DST: variants seen among roughly 807,000 people sequenced by gnomAD.
The protein encoded by DST is dystonin, also known as bullous pemphigoid antigen.
Under a neutral mutation model 875.2 loss-of-function variants are expected in DST, and 253 were observed. The observed-to-expected ratio is 0.29, with a 90% confidence interval of 0.26 to 0.32. The LOEUF (loss-of-function observed/expected upper bound fraction) is 0.32. DST is among the 10% of genes least tolerant of loss of function. The pLI is 1.00. For synonymous variants in DST, 3,124 were observed against 3,197.1 expected (o/e 0.98, Z 0.77); for missense variants, 8,287 against 9,111.6 (o/e 0.91, Z 3.68).
At chr6:56,926,765 C>A (rs1173113517) in intron 2 of DST, among the ~76,000 whole-genome samples, 1 of 151,582 alleles carries the variant, frequency 6.6e-6, no homozygotes, top group Non-Finnish European at 1.5e-5. Flanking sequence ...CTTATTAAAT[C>A]GTGTAACTAA....
Position 56,863,229 on chromosome 6 carries a change from C to T in DST, c.418-11625G>A, listed in dbSNP as rs1772224277. On this transcript the variant is annotated intron_variant, in intron 3 of 103. Coordinates refer to ENST00000680361, the MANE Select transcript of DST (RefSeq NM_001374736.1). The stretch of plus-strand genomic sequence containing the variant: ...TCCTTTATTCATCCTTTTCCTCATA[C>T]ACACAGAGAGCAAAGGTGTATAAAC... 6 of 152,220 alleles carry T rather than the reference C, an allele frequency of 3.9e-5. 1 individual carries two copies. Among genetic ancestry groups the T allele is most frequent in the Admixed American group, 3.3e-4 (5 of 15,274 alleles). 9.4% of individuals were successfully genotyped at this position (152,220 alleles called of 1,614,324 possible).
chr6:56,704,784 G>A lies in DST; in HGVS notation c.688-415C>T, dbSNP rs145972795. ...AGCCTAAAACAGGTTCAAGGATGCC[G>A]AGGAACATTTTTAGAAATCCATAGA... On this transcript the variant is annotated intron_variant, in intron 5 of 103. Transcript: ENST00000680361. Among the ~76,000 whole-genome samples the A allele has an allele frequency of 5.9e-4, 90 of 152,298 alleles. 2 individuals carry two copies. Among genetic ancestry groups the A allele is most frequent in the African/African-American group, 2.0e-3 (84 of 41,560 alleles).
chr6:56,469,725 T>C lies in DST; in HGVS notation c.22551+158A>G, dbSNP rs188126700. 280 of 646,464 alleles carry C rather than the reference T, an allele frequency of 4.3e-4. No individual in the cohort carries two copies. The African/African-American group carries it at 4.7e-3, about 11-fold the overall frequency. The allele number at this position is 646,464 out of a possible 1,614,324, so 40.0% of individuals were successfully genotyped here. A position where few individuals can be genotyped will look rare whatever the true frequency, so the allele number is the denominator to read the frequency against. On this transcript the variant is annotated intron_variant, in intron 97 of 103. Transcript: ENST00000680361. ...AAAATGCAGGCTGCCGTTATACAAA[T>C]TAAAATGTTAAATGTAAGAGTTTCA...
Position 56,636,422 on chromosome 6 carries a change from A to ATG in DST, c.3060+133_3060+134dup, listed in dbSNP as rs1563358574. ...TGTGTGTATATATATACACACATAT[A>ATG]TGTGTATATATATATGTGTGTATAT... is the stretch of plus-strand genomic sequence containing the variant. On this transcript the variant is annotated intron_variant, in intron 23 of 103. Transcript: ENST00000680361. 8 of 687,344 alleles carry ATG rather than the reference A, an allele frequency of 1.2e-5. No homozygotes were observed. In the Admixed American group the frequency reaches 1.2e-4, roughly 11 times the overall value. 42.6% of individuals were successfully genotyped at this position (687,344 alleles called of 1,614,324 possible).
At chr6:56,474,960 CAAAAAAAAAAAAAA>C (rs386407168) in intron 92 of DST, among the ~76,000 whole-genome samples, 4 of 31,318 alleles carry the variant, frequency 1.3e-4, no homozygotes, top group Non-Finnish European at 1.9e-4. Context: ...CCCTGCCTCT[CAAAAAAAAAAAAAA>C]AAAAAAAAAA....
At chr6:56,671,417 T>C (rs1200650973) in intron 9 of DST, among the ~76,000 whole-genome samples, 1 of 152,210 alleles carries the variant, frequency 6.6e-6, no homozygotes, top group East Asian at 1.9e-4. Context: ...CTCTCCTATA[T>C]AACAATTTGG....
Position 56,553,018 on chromosome 6 carries a change from A to C in DST, c.15774T>G (p.Thr5258=). Residue 5258 remains threonine (T), a synonymous_variant, in exon 61 of 104, where the codon ACT becomes ACG. Transcript: ENST00000680361. ...AGAATTTCTTACTGTGAAGTTGTTCAGTGACCATGTCCACCTTCTGGATCA... is the reference window on the plus strand; with the variant it reads ...AGAATTTCTTACTGTGAAGTTGTTCCGTGACCATGTCCACCTTCTGGATCA... ...KSLIQKVDMV[T]EQLHSKKFCL... is the part of the protein sequence containing the mutation. 1 of 1,613,944 alleles carries C rather than the reference A, an allele frequency of 6.2e-7. No homozygotes were observed.
chr6:56,926,244 T>C (rs1205129247), intron 2 of DST, among the ~76,000 whole-genome samples: 1 of 152,224 alleles, frequency 6.6e-6, no homozygotes, highest in Non-Finnish European at 1.5e-5. Context: ...CTCTCCACTT[T>C]TTGTTGGGTC....
intron 31 of DST, among the ~76,000 whole-genome samples, chr6:56,629,843 C>T (rs1333577212): frequency 1.3e-5 from 2 of 152,176 alleles, no homozygotes; most frequent in Non-Finnish European, 2.9e-5. Context: ...GCAATAGTTT[C>T]ACCACTTGCT....
At chr6:56,938,270 G>A (rs185848033) in intron 2 of DST, among the ~76,000 whole-genome samples, 1 of 152,118 alleles carries the variant, frequency 6.6e-6, no homozygotes, top group African/African-American at 2.4e-5. Flanking sequence ...GAGTAACTGG[G>A]ACAACAGGTG....
intron 10 of DST, among the ~76,000 whole-genome samples, chr6:56,664,230 C>T (rs1280020160): frequency 3.9e-5 from 6 of 152,148 alleles, no homozygotes; most frequent in Non-Finnish European, 8.8e-5. Flanking sequence ...CTTGTTTGCA[C>T]ACAGAGCAAT....
intron 10 of DST, among the ~76,000 whole-genome samples, chr6:56,661,409 T>C (rs2099040493): frequency 6.6e-6 from 1 of 152,072 alleles, no homozygotes; most frequent in African/African-American, 2.4e-5. Context: ...CTTGTCAAGT[T>C]TCTAAGTAAG....
intron 15 of DST, 106 bp downstream of exon 15, chr6:56,645,760 A>C (rs1265027200): frequency 2.3e-6 from 3 of 1,332,274 alleles, no homozygotes; most frequent in Non-Finnish European, 3.1e-6. Flanking sequence ...GGATTAAGAG[A>C]CTTATCCAAG....
chr6:56,744,383 A>AC (rs2099563064), intron 4 of DST, among the ~76,000 whole-genome samples: 2 of 152,048 alleles, frequency 1.3e-5, no homozygotes, highest in Admixed American at 6.6e-5. Flanking sequence ...TATCTCAAAA[A>AC]AAAAAAAGGT....
At chr6:56,551,868 C>T (rs1043809097) in intron 61 of DST, among the ~76,000 whole-genome samples, 4 of 150,232 alleles carry the variant, frequency 2.7e-5, no homozygotes, top group Admixed American at 1.3e-4. Context: ...AACACAGCCA[C>T]GGTCACCACA....
At chr6:56,871,976 T>C (rs1026584706) in intron 3 of DST, among the ~76,000 whole-genome samples, 1 of 152,118 alleles carries the variant, frequency 6.6e-6, no homozygotes, top group Non-Finnish European at 1.5e-5. Flanking sequence ...TATAAATGGG[T>C]GCAGGTATTT....
intron 5 of DST, 138 bp from the exon 6 acceptor site, chr6:56,704,507 C>T (rs970836909): frequency 3.9e-6 from 2 of 515,990 alleles, no homozygotes; most frequent in Non-Finnish European, 6.9e-6. Context: ...TTTTAAAATG[C>T]TTATTACTTA....
chr6:56,813,906 T>C (rs1445089384), intron 4 of DST, among the ~76,000 whole-genome samples: 1 of 152,186 alleles, frequency 6.6e-6, no homozygotes, highest in Non-Finnish European at 1.5e-5. Flanking sequence ...ACTTTAATCA[T>C]TAAGAACCTT....
intron 90 of DST, among the ~76,000 whole-genome samples, chr6:56,481,601 G>T (rs2095403750): frequency 6.6e-6 from 1 of 152,182 alleles, no homozygotes. Flanking sequence ...TAGATTCAAA[G>T]ATGAGTTATT....
Sources: gnomAD v4.1 joint callset for allele counts (sites outside exome capture counted in the v4.1 genomes callset) on GRCh38, gnomAD v4.1.1 for gene constraint, MANE v1.5 for transcripts, NCBI Gene and HGNC (gene_info 2026-07-23, HGNC 2026-07-21) for gene names.